Variants in GEMIN4 observed in about 807,000 individuals in gnomAD.
The protein encoded by GEMIN4 is gem-associated protein 4.
A neutral mutation model predicts 76.8 loss-of-function variants in GEMIN4; 59 were observed. That is an observed-to-expected ratio of 0.77 (90% CI 0.62 to 0.95). The LOEUF (loss-of-function observed/expected upper bound fraction) is 0.95. GEMIN4 is among the 40% of genes least tolerant of loss of function. The pLI, the probability that GEMIN4 is intolerant of heterozygous loss-of-function variation, is 0.00. For synonymous variants in GEMIN4, 562 were observed against 559.7 expected, an observed-to-expected ratio of 1.00 and a Z score of -0.06; for missense variants, 1,311 against 1,318.9, an observed-to-expected ratio of 0.99 and a Z score of 0.09.
chr17:751,738 A>G (rs1017700838), intron 1 of GEMIN4: 84 of 223,444 alleles, frequency 3.8e-4, no homozygotes, highest in Non-Finnish European at 2.0e-4. Flanking sequence ...AAACGTCATG[A>G]GCGTAAGACA....
chr17:751,050 G>T (rs1904654527), intron 1 of GEMIN4, among the ~76,000 whole-genome samples: 1 of 152,182 alleles, frequency 6.6e-6, no homozygotes, highest in Admixed American at 6.5e-5. Context: ...CGCACAGTTT[G>T]AAGTAGTAAG....
In GEMIN4 at chr17:747,018, C is replaced by T. The variant is rs376544959; in HGVS notation, c.1025G>A (p.Ser342Asn). ...QAVLRSSQGTSYDSYRLCDSL... is the reference protein window; with the variant it reads ...QAVLRSSQGTNYDSYRLCDSL... ...GTCGCACAGCCGGTAGCTGTCGTAA[C>T]TTGTCCCCTGGCTGCTGCGGAGCAC... Residue 342 changes from serine to asparagine, a missense_variant, in exon 2 of 2, where the codon AGT becomes AAT. By Grantham distance (46) the Ser-to-Asn change is conservative. Transcript: ENST00000319004. The T allele has an allele frequency of 1.5e-5, 25 of 1,613,240 alleles. No homozygotes were observed. The African/African-American group carries it at 3.3e-4, about 22-fold the overall frequency.
rs1453398876 is a variant in GEMIN4, at chr17:746,379, A to G, written c.1664T>C (p.Val555Ala). The G allele has an allele frequency of 6.2e-7, 1 of 1,613,852 alleles. No individual in the cohort carries two copies. The highest frequency in any genetic ancestry group is 8.5e-7 in the Non-Finnish European group (1 of 1,179,888). ...AVASVARLVI[V>A]HPEVTVKKMC... ...TTTCTTCACCGTGACTTCCGGGTGC[A>G]CTATGACCAGGCGGGCCACGGAGGC... Residue 555 changes from valine to alanine, a missense_variant, in exon 2 of 2, where the codon GTG (valine) becomes GCG (alanine). Physicochemically the swap from Val to Ala is moderately conservative, Grantham distance 64 (BLOSUM62 0). This residue lies in a region of GEMIN4 where 1,208 missense variants were observed against 1,166.9 expected (regional missense o/e 1.04). Transcript: ENST00000319004. This position sits in a 1 kb window ranked among gnomAD's most constrained non-coding sequence, Gnocchi z 4.3.
chr17:752,606 C>T (rs1461440506), upstream of GEMIN4: 2 of 981,522 alleles, frequency 2.0e-6, no homozygotes, highest in East Asian at 1.6e-4. Flanking sequence ...CCGCCCAGCT[C>T]GCGCCACATA....
In GEMIN4 at chr17:747,536, C is replaced by T; in HGVS notation, c.507G>A (p.Lys169=). 6.2e-7 allele frequency: 1 copy of T among 1,613,826 alleles called. No individual in the cohort carries two copies. The highest frequency in any genetic ancestry group is 8.5e-7 in the Non-Finnish European group (1 of 1,179,878). ...GGGGGTCCTGCGGGTGACCCTTGTG[C>T]TTCATCACCTCCCACCAGACGTCCA... ...FFLDVWWEVM[K]HKGHPQDPLL... Residue 169 remains lysine, a synonymous_variant, in exon 2 of 2, where the codon AAG becomes AAA. Coordinates refer to ENST00000319004, the MANE Select transcript of GEMIN4 (RefSeq NM_015721.3).
rs773581592 is a variant in GEMIN4, at chr17:747,218, C to T, written c.825G>A (p.Val275=). The T allele has an allele frequency of 1.1e-5, 17 of 1,613,866 alleles. No individual in the cohort carries two copies. In the South Asian group the frequency reaches 1.8e-4, roughly 17 times the overall value. The change falls in exon 2 of 2, where the codon GTG becomes GTA. Residue 275 remains valine (V), a synonymous_variant. Transcript: ENST00000319004. ...YLDKLATVIS[V]WNSDTQNPYH... ...AGGGATTCTGGGTGTCCGAGTTCCA[C>T]ACAGAGATCACCGTGGCCAGTTTGT... is the stretch of plus-strand genomic sequence containing the variant.
At position 752,182 on chromosome 17, in the gene GEMIN4, C is replaced by T; in HGVS notation, c.-40G>A. ...CGGCTGCGCGGGGCTAACGCCCCCT[C>T]CCCTCCGAGAACTCGAACGCGGCGC... On this transcript the variant is annotated 5_prime_UTR_variant, in exon 1 of 2. Transcript: ENST00000319004. The T allele has an allele frequency of 8.1e-7, 1 of 1,233,742 alleles. No homozygotes were observed. 76.4% of individuals were successfully genotyped at this position (1,233,742 alleles called of 1,614,324 possible).
rs761589924 is a variant in GEMIN4 at position 746,971 on chromosome 17, T to C, written c.1072A>G (p.Asn358Asp). ...LCDSLTSFSQNATLYLNRTSL... is the reference protein window; with the variant it reads ...LCDSLTSFSQDATLYLNRTSL... ...GTGCGGTTCAGGTAGAGCGTCGCGT[T>C]CTGGCTGAAGGAAGTCAGACTGTCG... The change falls in exon 2 of 2, where the codon AAC becomes GAC. Residue 358 changes from asparagine (N) to aspartate (D), a missense_variant. Asn to Asp is a conservative substitution (Grantham distance 23). This residue lies in a region of GEMIN4 where 1,208 missense variants were observed against 1,166.9 expected (regional missense o/e 1.04). Coordinates refer to ENST00000319004, the MANE Select transcript of GEMIN4 (RefSeq NM_015721.3). The surrounding 1 kb of genome is among the most constrained non-coding windows in gnomAD (Gnocchi z 4.3). 2 of 1,613,206 alleles carry C rather than the reference T, an allele frequency of 1.2e-6. No homozygotes were observed. Among genetic ancestry groups the C allele is most frequent in the Non-Finnish European group, 1.7e-6 (2 of 1,179,740 alleles).
intron 1 of GEMIN4, chr17:751,842 C>A (rs1011000974): frequency 1.6e-5 from 6 of 367,598 alleles, no homozygotes; most frequent in Non-Finnish European, 2.9e-5. Flanking sequence ...GAGCCCGTTT[C>A]CCAAAGCACG....
chr17:746,876 T>A lies in GEMIN4; in HGVS notation c.1167A>T (p.Lys389Asn). ...CCCTGTTCTTCAGCACCGTGCTCGT[T>A]TTCCTCAGGAAGTCCCTGACACACT... ...LAECVRDFLRKTSTVLKNRAL... is the reference protein window; with the variant it reads ...LAECVRDFLRNTSTVLKNRAL... The change falls in exon 2 of 2, where the codon AAA (lysine) becomes AAT (asparagine). Residue 389 changes from lysine to asparagine, a missense_variant. Around this residue, in one of 2 missense-constraint regions of GEMIN4, gnomAD observed 1,208 missense variants for 1,166.9 expected, o/e 1.04. Transcript: ENST00000319004. This position sits in a 1 kb window ranked among gnomAD's most constrained non-coding sequence, Gnocchi z 4.3. 6.2e-7 allele frequency: 1 copy of A among 1,613,722 alleles called. No individual in the cohort carries two copies. Among genetic ancestry groups the A allele is most frequent in the Non-Finnish European group, 8.5e-7 (1 of 1,179,724 alleles).
Position 747,697 on chromosome 17 carries a change from G to A in GEMIN4, c.346C>T (p.Leu116Phe). Residue 116 changes from leucine to phenylalanine, a missense_variant, in exon 2 of 2, where the codon CTC (leucine) becomes TTC (phenylalanine). By Grantham distance (22) the Leu-to-Phe change is conservative. Around this residue, in one of 2 missense-constraint regions of GEMIN4, gnomAD observed 103 missense variants for 152.0 expected, o/e 0.68. Transcript: ENST00000319004. ...AGTCCAGAAGCTTCCAGGGATTTGA[G>A]CAGCTCGAAGAGGATGGTGTGGTTG... ...TINHTILFEL[L>F]KSLEASGLFI... The A allele has an allele frequency of 1.2e-6, 2 of 1,613,880 alleles. No individual in the cohort carries two copies. The highest frequency in any genetic ancestry group is 1.7e-6 in the Non-Finnish European group (2 of 1,179,852).
rs1463550496 is a variant in GEMIN4, at chr17:745,872, T to C, written c.2171A>G (p.Asp724Gly). The C allele has an allele frequency of 6.2e-7, 1 of 1,612,902 alleles. No homozygotes were observed. Among genetic ancestry groups the C allele is most frequent in the East Asian group, 2.2e-5 (1 of 44,866 alleles). The change falls in exon 2 of 2, where the codon GAT (aspartate) becomes GGT (glycine). Residue 724 changes from aspartate (D) to glycine (G), a missense_variant. Physicochemically the swap from Asp to Gly is moderately conservative, Grantham distance 94. Around this residue, in one of 2 missense-constraint regions of GEMIN4, gnomAD observed 1,208 missense variants for 1,166.9 expected, o/e 1.04. Transcript: ENST00000319004. This position sits in a 1 kb window ranked among gnomAD's most constrained non-coding sequence, Gnocchi z 4.6. Reference protein sequence around the residue: ...LPKEKRCLSLDRKDLAIHILE... With the variant: ...LPKEKRCLSLGRKDLAIHILE... ...GATATGGATCGCTAGATCCTTCCTA[T>C]CCAAAGAGAGGCACCGCTTCTCCTT... is the stretch of plus-strand genomic sequence containing the variant.
chr17:749,982 T>A, intron 1 of GEMIN4: 1 of 985,272 alleles, frequency 1.0e-6, no homozygotes, highest in Non-Finnish European at 1.2e-6. Context: ...GAACTAACGA[T>A]TGACACAGAC....
At chr17:748,349 C>A in intron 1 of GEMIN4, 1 of 291,242 alleles carries the variant, frequency 3.4e-6, no homozygotes, top group Non-Finnish European at 6.4e-6. Flanking sequence ...AGATGTCCTC[C>A]AGCAACGGAA....
intron 1 of GEMIN4, 45 bp downstream of exon 1, chr17:752,088 C>A: frequency 1.7e-6 from 2 of 1,198,410 alleles, no homozygotes; most frequent in Non-Finnish European, 2.1e-6. Context: ...GCTCTGGTGG[C>A]GCATTGCTGG....
rs769129234 is a variant in GEMIN4, at chr17:746,791, G to A, written c.1252C>T (p.His418Tyr). The stretch of plus-strand genomic sequence containing the variant: ...GCAAAAATGTAGCACACTTCCATAT[G>A]GCGGTCCATCTTCTGCTGGATGACG... ...MAVIQQKMDR[H>Y]MEVCYIFASE... The change falls in exon 2 of 2, where the codon CAT becomes TAT. Residue 418 changes from histidine (H) to tyrosine (Y), a missense_variant. This residue lies in a region of GEMIN4 where 1,208 missense variants were observed against 1,166.9 expected (regional missense o/e 1.04). Coordinates refer to ENST00000319004, the MANE Select transcript of GEMIN4 (RefSeq NM_015721.3). This position sits in a 1 kb window ranked among gnomAD's most constrained non-coding sequence, Gnocchi z 4.3. The A allele has an allele frequency of 1.4e-5, 22 of 1,613,704 alleles. No homozygotes were observed. The highest frequency in any genetic ancestry group is 1.7e-5 in the Admixed American group (1 of 60,000).
In GEMIN4 at chr17:744,649, G is replaced by C; in HGVS notation, c.*217C>G. On this transcript the variant is annotated 3_prime_UTR_variant, in exon 2 of 2. Coordinates refer to ENST00000319004, the MANE Select transcript of GEMIN4 (RefSeq NM_015721.3). The stretch of plus-strand genomic sequence containing the variant: ...GCGAAAGAGGAGAATTTTTATGATA[G>C]TTTGTACGTTACAAATACCCAAGAA... The C allele has an allele frequency of 1.9e-6, 1 of 521,760 alleles. No homozygotes were observed. The highest frequency in any genetic ancestry group is 3.0e-5 in the South Asian group (1 of 32,994). 32.3% of individuals were successfully genotyped at this position (521,760 alleles called of 1,614,324 possible). A position where few individuals can be genotyped will look rare whatever the true frequency, so the allele number is the denominator to read the frequency against.
upstream of GEMIN4, chr17:754,278 G>A (rs1425789344): frequency 3.9e-5 from 6 of 152,176 alleles, no homozygotes; most frequent in African/African-American, 1.4e-4. Flanking sequence ...AATGATCACA[G>A]GAGCCTCATA....
intron 1 of GEMIN4, chr17:750,081 T>A (rs1029379702): frequency 1.3e-6 from 1 of 744,318 alleles, no homozygotes; most frequent in Admixed American, 6.3e-5. Flanking sequence ...TCTGGCCAGG[T>A]TCAGTGGCTA....
Sources: gnomAD v4.1 joint callset for allele counts (sites outside exome capture counted in the v4.1 genomes callset) on GRCh38, gnomAD v4.1.1 for gene constraint, gnomAD v4.1.1 regional missense constraint, Gnocchi (gnomAD v3.1) non-coding constraint, MANE v1.5 for transcripts, NCBI Gene and HGNC (gene_info 2026-07-23, HGNC 2026-07-21) for gene names.